The following RBM20 variants were observed in gnomAD, a reference collection of about 807,000 sequenced individuals.
RBM20 encodes the protein RNA-binding protein 20.
In RBM20, 51 loss-of-function variants were observed where a neutral mutation model predicts 110.1. The observed-to-expected ratio is 0.46, with a 90% CI of 0.37 to 0.59. The LOEUF is 0.59. Ranked by LOEUF, RBM20 falls within the 20% of genes least tolerant of loss-of-function variation. RBM20 has a pLI of 0.00. For synonymous variants in RBM20, 589 were observed against 618.2 expected (o/e 0.95, Z 0.70); for missense variants, 1,512 against 1,574.9 (o/e 0.96, Z 0.68).
At chr10:110,696,637 G>A (rs574184922) in intron 1 of RBM20, among the ~76,000 whole-genome samples, 1 of 152,276 alleles carries the variant, frequency 6.6e-6, no homozygotes, top group South Asian at 2.1e-4. Flanking sequence ...CCGTGGGCTG[G>A]GGTGGAGTAG....
intron 1 of RBM20, among the ~76,000 whole-genome samples, chr10:110,694,228 G>C (rs1862628787): frequency 6.6e-6 from 1 of 152,192 alleles, no homozygotes; most frequent in South Asian, 2.1e-4. Flanking sequence ...CCTGTGCTTT[G>C]GGAGAACCAA....
chr10:110,675,340 G>T (rs1309984658), intron 1 of RBM20, among the ~76,000 whole-genome samples: 2 of 152,184 alleles, frequency 1.3e-5, no homozygotes, highest in Non-Finnish European at 2.9e-5. Context: ...GTTAAGAAGC[G>T]AGGCTTATCC....
chr10:110,836,199 A>C lies in RBM20; in HGVS notation c.*221A>C. ...GTGTCCAGCCCACTGAGGGTCACCA[A>C]CTCTCTCCCTGCTGACTCTTGTTTC... On this transcript the variant is annotated 3_prime_UTR_variant, in exon 14 of 14. Transcript: ENST00000369519. 2.8e-6 allele frequency: 1 copy of C among 358,354 alleles called. No individual in the cohort carries two copies. The highest frequency in any genetic ancestry group is 4.7e-5 in the Admixed American group (1 of 21,312). The allele number at this position is 358,354 out of a possible 1,614,324, so 22.2% of individuals were successfully genotyped here.
chr10:110,679,811 C>T (rs1756370270), intron 1 of RBM20, among the ~76,000 whole-genome samples: 1 of 152,186 alleles, frequency 6.6e-6, no homozygotes, highest in Non-Finnish European at 1.5e-5. Context: ...CCCTGATGGA[C>T]TGGGGCACAT....
intron 1 of RBM20, among the ~76,000 whole-genome samples, chr10:110,674,569 C>T (rs1862306592): frequency 6.6e-6 from 1 of 152,206 alleles, no homozygotes; most frequent in South Asian, 2.1e-4. Context: ...TTGTAGATCA[C>T]TTTGAAGCTC....
At chr10:110,825,559 C>G (rs1365516437) in intron 12 of RBM20, among the ~76,000 whole-genome samples, 5 of 152,208 alleles carry the variant, frequency 3.3e-5, no homozygotes, top group Admixed American at 3.3e-4. Context: ...TGGGATCACA[C>G]TACACACATA....
chr10:110,703,077 TG>T (rs1239638080), intron 1 of RBM20, among the ~76,000 whole-genome samples: 1 of 151,114 alleles, frequency 6.6e-6, no homozygotes, highest in African/African-American at 2.4e-5. Flanking sequence ...CAGATGCACT[TG>T]TAGGAAATAA....
Position 110,816,462 on chromosome 10 carries a change from C to T in RBM20, c.2550+3515C>T, listed in dbSNP as rs1386376669. 2.6e-5 allele frequency among the ~76,000 whole-genome samples: 4 copies of T among 151,948 alleles called. No individual in the cohort carries two copies. The East Asian group carries it at 7.7e-4, about 29-fold the overall frequency. ...CACCCCAACCTGCTCCCCTCCCTCT[C>T]GTCACTGCAGACCATCTCAATACCC... is the stretch of plus-strand genomic sequence containing the variant. On this transcript the variant is annotated intron_variant, in intron 9 of 13. Transcript: ENST00000369519.
rs542360325 is a variant in RBM20 at position 110,836,776 on chromosome 10, G to A, written c.*798G>A. ...CTCCTCTTGATTTCAGGAGATGTCA[G>A]GGTTTTTCTATTCTGGACAATGAAT... is the stretch of plus-strand genomic sequence containing the variant. On this transcript the variant is annotated 3_prime_UTR_variant, in exon 14 of 14. Transcript: ENST00000369519. 3.9e-5 allele frequency: 6 copies of A among 152,282 alleles called. No individual in the cohort carries two copies. Among genetic ancestry groups the A allele is most frequent in the African/African-American group, 1.2e-4 (5 of 41,560 alleles). The allele number at this position is 152,282 out of a possible 1,614,324, so 9.4% of individuals were successfully genotyped here. A position where few individuals can be genotyped will look rare whatever the true frequency, so the allele number is the denominator to read the frequency against.
At chr10:110,685,598 G>T (rs954805926) in intron 1 of RBM20, among the ~76,000 whole-genome samples, 1 of 152,174 alleles carries the variant, frequency 6.6e-6, no homozygotes, top group Non-Finnish European at 1.5e-5. Context: ...TTGGGAGGGC[G>T]GGCAGGAAAA....
At chr10:110,693,606 A>G (rs553438878) in intron 1 of RBM20, among the ~76,000 whole-genome samples, 1 of 152,108 alleles carries the variant, frequency 6.6e-6, no homozygotes, top group Non-Finnish European at 1.5e-5. Flanking sequence ...TTAGAGTGAA[A>G]CTCTCATTTT....
chr10:110,752,940 TA>T (rs1285435689), intron 1 of RBM20, among the ~76,000 whole-genome samples: 2,063 of 86,720 alleles, frequency 0.024, 17 homozygotes, highest in South Asian at 0.029. Context: ...TATATATATA[TA>T]TATATTTTTT....
Position 110,710,373 on chromosome 10 carries a change from C to G in RBM20, c.191+65728C>G, listed in dbSNP as rs561483268. On this transcript the variant is annotated intron_variant, in intron 1 of 13. Coordinates refer to ENST00000369519, the MANE Select transcript of RBM20 (RefSeq NM_001134363.3). ...TACTGTGTGCTCGCACTTGCCTGAGCACTTCCCATGTGATTGCTATTTAAT... is the reference window on the plus strand; with the variant it reads ...TACTGTGTGCTCGCACTTGCCTGAGGACTTCCCATGTGATTGCTATTTAAT... Among the ~76,000 whole-genome samples the G allele has an allele frequency of 7.9e-5, 12 of 152,374 alleles. No individual in the cohort carries two copies. The East Asian group carries it at 2.3e-3, about 29-fold the overall frequency.
chr10:110,808,458 T>C (rs1844722830), intron 7 of RBM20, among the ~76,000 whole-genome samples: 1 of 152,178 alleles, frequency 6.6e-6, no homozygotes, highest in Non-Finnish European at 1.5e-5. Flanking sequence ...ACAGCTCCAG[T>C]TTGACATAAG....
chr10:110,803,712 A>T (rs1007527997), intron 7 of RBM20, among the ~76,000 whole-genome samples: 1 of 150,580 alleles, frequency 6.6e-6, no homozygotes, highest in African/African-American at 2.4e-5. Flanking sequence ...TCTCAACTAC[A>T]TAGTAATGCA....
chr10:110,778,489 G>A (rs1251872467), intron 1 of RBM20, among the ~76,000 whole-genome samples: 3 of 152,104 alleles, frequency 2.0e-5, no homozygotes, highest in South Asian at 2.1e-4. Context: ...AGCCTCTCTC[G>A]TTTTTGTTCC....
At chr10:110,717,153 G>T (rs1270933931) in intron 1 of RBM20, among the ~76,000 whole-genome samples, 1 of 152,096 alleles carries the variant, frequency 6.6e-6, no homozygotes, top group Non-Finnish European at 1.5e-5. Context: ...AGAACTGTGT[G>T]CTGCCTGCTT....
intron 1 of RBM20, among the ~76,000 whole-genome samples, chr10:110,687,836 C>T (rs1462266380): frequency 6.6e-6 from 1 of 152,166 alleles, no homozygotes; most frequent in Admixed American, 6.5e-5. Context: ...GTTGCATCAA[C>T]ATTTACGATA....
chr10:110,688,512 C>T (rs947814610), intron 1 of RBM20, among the ~76,000 whole-genome samples: 1 of 152,168 alleles, frequency 6.6e-6, no homozygotes, highest in African/African-American at 2.4e-5. Flanking sequence ...GATGTCCCAA[C>T]ATTTTTACTG....
Sources: allele counts gnomAD v4.1 joint callset (sites outside exome capture counted in the v4.1 genomes callset), GRCh38; gene constraint gnomAD v4.1.1; transcripts MANE v1.5; gene names NCBI Gene and HGNC (gene_info 2026-07-23, HGNC 2026-07-21).